TDG: variants seen among roughly 807,000 people sequenced by gnomAD.
TDG encodes G/T mismatch-specific thymine DNA glycosylase.
A neutral mutation model predicts 46.1 loss-of-function variants in TDG; 23 were observed. The observed-to-expected ratio is 0.50, with a 90% CI of 0.36 to 0.71. TDG has a LOEUF of 0.71. Among genes scored for constraint, TDG ranks in the 30% least tolerant of loss-of-function variants. The pLI is 0.00. For missense variants in TDG, 304 were observed against 486.7 expected (o/e 0.62, Z 3.53); for synonymous variants, 115 against 161.3 (o/e 0.71, Z 2.18).
chr12:103,967,439 GA>G (rs1278177664), intron 1 of TDG, among the ~76,000 whole-genome samples: 5 of 144,568 alleles, frequency 3.5e-5, no homozygotes, highest in African/African-American at 7.6e-5. Context: ...TGTGGGATGT[GA>G]AAAAAAATAA....
At position 103,988,105 on chromosome 12, in the gene TDG, A is replaced by T. The variant is rs1206261495; in HGVS notation, c.*1015A>T. 1 of 152,736 alleles carries T rather than the reference A, an allele frequency of 6.5e-6. No homozygotes were observed. The highest frequency in any genetic ancestry group is 2.4e-5 in the African/African-American group (1 of 41,486). The allele number at this position is 152,736 out of a possible 1,614,324, so 9.5% of individuals were successfully genotyped here. On this transcript the variant is annotated 3_prime_UTR_variant, in exon 10 of 10. Transcript: ENST00000392872. ...TGTTACTATAAATTAAATGAACCTC[A>T]TGGAAAGGTTGAGGTGTATACCTTT...
intron 1 of TDG, among the ~76,000 whole-genome samples, chr12:103,969,340 C>T (rs549594563): frequency 1.3e-5 from 2 of 152,340 alleles, no homozygotes; most frequent in East Asian, 3.9e-4. Flanking sequence ...GCTTTACTGC[C>T]TCTCTTAGTG....
At chr12:103,983,007 C>T in intron 5 of TDG, 73 bp downstream of exon 5, 1 of 1,594,742 alleles carries the variant, frequency 6.3e-7, no homozygotes, top group African/African-American at 1.3e-5. Context: ...CTAGGAACAT[C>T]ATATGTATCT....
At chr12:103,986,073 C>T (rs4135131) in intron 9 of TDG, among the ~76,000 whole-genome samples, 12,784 of 152,084 alleles carry the variant, frequency 0.084, 834 homozygotes, top group East Asian at 0.3. Flanking sequence ...GCATCCGCCA[C>T]GATGCCTGGC....
intron 1 of TDG, among the ~76,000 whole-genome samples, chr12:103,971,418 C>T (rs1438710852): frequency 6.6e-6 from 1 of 151,772 alleles, no homozygotes; most frequent in South Asian, 2.1e-4. Flanking sequence ...AAAAATTAGC[C>T]CGGTGTAGGT....
At chr12:103,970,390 A>C (rs1053262893) in intron 1 of TDG, among the ~76,000 whole-genome samples, 43 of 152,246 alleles carry the variant, frequency 2.8e-4, no homozygotes, top group Middle Eastern at 3.4e-3. Context: ...AGGTGAGAGG[A>C]TTGTCTGAGC....
intron 1 of TDG, chr12:103,967,723 C>G (rs1479957438): frequency 6.6e-6 from 1 of 151,884 alleles, no homozygotes; most frequent in African/African-American, 2.4e-5. Context: ...TCCCAAAGTG[C>G]TAGGATTACA....
At chr12:103,984,538 G>A (rs1366723919) in intron 7 of TDG, among the ~76,000 whole-genome samples, 6 of 152,072 alleles carry the variant, frequency 3.9e-5, no homozygotes, top group Non-Finnish European at 7.4e-5. Flanking sequence ...CTCATTAGGC[G>A]GAGGCTCATT....
At chr12:103,980,605 C>T (rs1871776350) in intron 3 of TDG, 1 of 304,666 alleles carries the variant, frequency 3.3e-6, no homozygotes, top group Admixed American at 4.7e-5. Context: ...ACCTGTCTTT[C>T]CAGACTCAAA....
chr12:103,979,335 G>A (rs557956285), intron 2 of TDG, among the ~76,000 whole-genome samples: 12 of 151,884 alleles, frequency 7.9e-5, no homozygotes, highest in Non-Finnish European at 1.2e-4. Flanking sequence ...AACTCCTGAC[G>A]TCAGGTGATC....
chr12:103,985,024 C>G, intron 8 of TDG, 104 bp downstream of exon 8: 3 of 868,016 alleles, frequency 3.5e-6, no homozygotes, highest in Non-Finnish European at 4.8e-6. Flanking sequence ...TACACATATA[C>G]ATATGTGTGC....
intron 1 of TDG, among the ~76,000 whole-genome samples, chr12:103,974,271 T>TTG (rs1566179040): frequency 6.7e-6 from 1 of 150,338 alleles, no homozygotes; most frequent in South Asian, 2.1e-4. Context: ...TTTGCCCTCT[T>TTG]TTGTTGTTGT....
intron 1 of TDG, among the ~76,000 whole-genome samples, chr12:103,968,624 G>A (rs1388205766): frequency 6.6e-6 from 1 of 152,190 alleles, no homozygotes; most frequent in Non-Finnish European, 1.5e-5. Flanking sequence ...GAAGTTTCAG[G>A]TGTTCTAACA....
At chr12:103,978,521 GCCAGTGATGGTGGAT>G (rs1395578976) in intron 2 of TDG, among the ~76,000 whole-genome samples, 4 of 152,196 alleles carry the variant, frequency 2.6e-5, no homozygotes, top group African/African-American at 9.7e-5. Flanking sequence ...CCAGCTACAT[GCCAGTGATGGTGGAT>G]CTGTTGGCAT....
rs537916357 is a variant in TDG at position 103,985,356 on chromosome 12, T to C, written c.965-247T>C. 1.9e-4 allele frequency among the ~76,000 whole-genome samples: 29 copies of C among 152,244 alleles called. 1 individual carries two copies. The highest frequency in any genetic ancestry group is 6.7e-4 in the African/African-American group (28 of 41,558). ...TCTACTCTGGCACTTCTGCAGATAA[T>C]TCACCTGCAGAGTGCCAGAGCAGAG... is the stretch of plus-strand genomic sequence containing the variant. On this transcript the variant is annotated intron_variant, in intron 8 of 9. Coordinates refer to ENST00000392872, the MANE Select transcript of TDG (RefSeq NM_003211.6).
intron 1 of TDG, among the ~76,000 whole-genome samples, chr12:103,976,716 G>T (rs1456924138): frequency 6.6e-6 from 1 of 152,072 alleles, no homozygotes; most frequent in East Asian, 1.9e-4. Context: ...AAGAGTTAAT[G>T]GTTGGTTATT....
At chr12:103,976,824 T>C in intron 1 of TDG, 94 bp from the exon 2 acceptor site, 1 of 1,463,502 alleles carries the variant, frequency 6.8e-7, no homozygotes, top group Non-Finnish European at 9.4e-7. Flanking sequence ...TACAAAATAC[T>C]TAATACTGTA....
chr12:103,976,342 A>G (rs948403049), intron 1 of TDG, among the ~76,000 whole-genome samples: 8 of 152,146 alleles, frequency 5.3e-5, no homozygotes, highest in African/African-American at 9.6e-5. Flanking sequence ...CCACCTCAGA[A>G]GTAACAGTGA....
intron 1 of TDG, among the ~76,000 whole-genome samples, chr12:103,971,854 C>T (rs35038873): frequency 2.0e-5 from 3 of 152,110 alleles, no homozygotes; most frequent in African/African-American, 7.2e-5. Flanking sequence ...ACATTGTCCA[C>T]ATATGTAGAA....
Sources: allele counts gnomAD v4.1 joint callset (sites outside exome capture counted in the v4.1 genomes callset), GRCh38; gene constraint gnomAD v4.1.1; transcripts MANE v1.5; gene names NCBI Gene and HGNC (gene_info 2026-07-23, HGNC 2026-07-21).